Variants in LYPLAL1 observed in about 807,000 individuals in gnomAD.
LYPLAL1 encodes the protein lysophospholipase like 1.
LYPLAL1 carries 23 observed loss-of-function variants against 19.7 expected under a neutral mutation model. The ratio of observed to expected loss-of-function variants is 1.17; its 90% confidence interval spans 0.84 to 1.65. LYPLAL1 has a LOEUF of 1.65. Ranked by LOEUF, LYPLAL1 falls within the 40% of genes most tolerant of loss-of-function variation. The pLI is 0.00. For missense variants in LYPLAL1, 355 were observed against 279.4 expected (o/e 1.27, Z -1.93); for synonymous variants, 119 against 96.3 (o/e 1.24, Z -1.38).
chr1:219,267,021 G>A, the LYPLAL1 span, among the ~76,000 whole-genome samples: 1 of 152,106 alleles, frequency 6.6e-6, no homozygotes, highest in African/African-American at 2.4e-5. Context: ...ATTACTTAAT[G>A]CTAGAAAATA....
At chr1:219,356,183 A>G in the LYPLAL1 span, among the ~76,000 whole-genome samples, 1 of 152,196 alleles carries the variant, frequency 6.6e-6, no homozygotes, top group East Asian at 1.9e-4. Context: ...AAATAAATAA[A>G]TAAAATGATT....
chr1:219,211,582 A>G lies in LYPLAL1; in HGVS notation c.568A>G (p.Thr190Ala), dbSNP rs1370333383. 6.2e-7 allele frequency: 1 copy of G among 1,613,474 alleles called. No homozygotes were observed. The highest frequency in any genetic ancestry group is 8.5e-7 in the Non-Finnish European group (1 of 1,179,556). Reference protein sequence around the residue: ...ELVLHSWAEETNSMLKSLGVT... With the variant: ...ELVLHSWAEEANSMLKSLGVT... ...AGTTCTTCATTCTTGGGCAGAAGAG[A>G]CAAACTCAATGTTAAAATCTCTAGG... The change falls in exon 5 of 5, where the codon ACA (threonine) becomes GCA (alanine). Residue 190 changes from threonine (T) to alanine (A), a missense_variant. Physicochemically the swap from Thr to Ala is moderately conservative, Grantham distance 58. Coordinates refer to ENST00000366928, the MANE Select transcript of LYPLAL1 (RefSeq NM_138794.5).
the LYPLAL1 span, among the ~76,000 whole-genome samples, chr1:219,426,965 A>G: frequency 2.0e-5 from 3 of 152,244 alleles, no homozygotes; most frequent in Non-Finnish European, 2.9e-5. Context: ...CCCAAAGGCA[A>G]TATGGCTAGG....
At chr1:219,221,881 G>A in the LYPLAL1 span, among the ~76,000 whole-genome samples, 1 of 152,258 alleles carries the variant, frequency 6.6e-6, no homozygotes, top group South Asian at 2.1e-4. Flanking sequence ...AGTAGTGGAA[G>A]CCAAAACAAC....
the LYPLAL1 span, chr1:219,223,156 C>A: frequency 6.6e-6 from 1 of 151,788 alleles, no homozygotes; most frequent in Non-Finnish European, 1.5e-5. Flanking sequence ...AAAGCATGGG[C>A]CCAAGGCTGA....
chr1:219,402,685 A>G, the LYPLAL1 span, among the ~76,000 whole-genome samples: 6 of 150,808 alleles, frequency 4.0e-5, no homozygotes, highest in Non-Finnish European at 7.4e-5. Flanking sequence ...GCAATTTTTT[A>G]TTGTATAGTA....
chr1:219,317,967 C>T, the LYPLAL1 span, among the ~76,000 whole-genome samples: 6 of 152,156 alleles, frequency 3.9e-5, no homozygotes, highest in Admixed American at 1.3e-4. Flanking sequence ...CAGCAAGAAG[C>T]AAAAGCAATA....
the LYPLAL1 span, among the ~76,000 whole-genome samples, chr1:219,388,856 G>A: frequency 6.6e-6 from 1 of 152,060 alleles, no homozygotes; most frequent in East Asian, 1.9e-4. Context: ...TACTTGATGA[G>A]ACTACTCCTT....
the LYPLAL1 span, among the ~76,000 whole-genome samples, chr1:219,359,250 G>T: frequency 6.6e-6 from 1 of 152,230 alleles, no homozygotes; most frequent in Non-Finnish European, 1.5e-5. Context: ...AAAGCATTGT[G>T]CTTACCTCAG....
the LYPLAL1 span, among the ~76,000 whole-genome samples, chr1:219,406,707 G>T: frequency 6.6e-6 from 1 of 152,038 alleles, no homozygotes; most frequent in Non-Finnish European, 1.5e-5. Context: ...TGCTTTTAGG[G>T]ATTATGTCTT....
At chr1:219,268,272 ATGTAT>A in the LYPLAL1 span, among the ~76,000 whole-genome samples, 2 of 152,144 alleles carry the variant, frequency 1.3e-5, no homozygotes, top group African/African-American at 4.8e-5. Context: ...TGGGGGGATA[ATGTAT>A]TAAATAAGGC....
Position 219,199,815 on chromosome 1 carries a change from G to A in LYPLAL1, c.361+6564G>A, listed in dbSNP as rs145364242. On this transcript the variant is annotated intron_variant, in intron 3 of 4. Transcript: ENST00000366928. ...ATTTTTGTGGAGACGGGATTTCACC[G>A]TGTTGCCCAGGCTGGTCTCGAATAT... The A allele has an allele frequency of 4.5e-3, 754 of 167,388 alleles. 6 individuals carry two copies. Among genetic ancestry groups the A allele is most frequent in the South Asian group, 0.022 (143 of 6,518 alleles). 10.4% of individuals were successfully genotyped at this position (167,388 alleles called of 1,614,324 possible). A position where few individuals can be genotyped will look rare whatever the true frequency, so the allele number is the denominator to read the frequency against.
chr1:219,315,041 G>C, the LYPLAL1 span, among the ~76,000 whole-genome samples: 21 of 152,076 alleles, frequency 1.4e-4, no homozygotes, highest in Non-Finnish European at 2.8e-4. Context: ...TGTATGTTTT[G>C]AGGAGGGGTT....
chr1:219,374,498 T>C, the LYPLAL1 span, among the ~76,000 whole-genome samples: 6 of 152,132 alleles, frequency 3.9e-5, no homozygotes, highest in Admixed American at 3.9e-4. Context: ...ACAAGAATTC[T>C]GGACAGAAAT....
At chr1:219,359,010 A>G in the LYPLAL1 span, among the ~76,000 whole-genome samples, 1 of 152,172 alleles carries the variant, frequency 6.6e-6, no homozygotes, top group Non-Finnish European at 1.5e-5. Flanking sequence ...ACATAAGTTT[A>G]CTAGAAAACA....
the LYPLAL1 span, among the ~76,000 whole-genome samples, chr1:219,414,763 A>G: frequency 0.25 from 38,283 of 152,064 alleles, 5,214 homozygotes; most frequent in African/African-American, 0.36. Flanking sequence ...TTCAAAAGTC[A>G]CTACAGTCCT....
At chr1:219,353,123 C>G in the LYPLAL1 span, among the ~76,000 whole-genome samples, 2 of 152,166 alleles carry the variant, frequency 1.3e-5, no homozygotes, top group African/African-American at 4.8e-5. Flanking sequence ...AGGATGTAAG[C>G]CTTTCTATCA....
the LYPLAL1 span, chr1:219,225,536 C>G: frequency 6.6e-6 from 1 of 152,164 alleles, no homozygotes; most frequent in Admixed American, 6.5e-5. Context: ...CAACATCTTT[C>G]CATTGTGACA....
At chr1:219,178,304 T>C (rs1572149986) in intron 1 of LYPLAL1, among the ~76,000 whole-genome samples, 1 of 152,310 alleles carries the variant, frequency 6.6e-6, no homozygotes, top group East Asian at 1.9e-4. Flanking sequence ...TTTTGACTAA[T>C]TTCTGTTTTT....
Sources: gnomAD v4.1 joint callset for allele counts (sites outside exome capture counted in the v4.1 genomes callset) on GRCh38, gnomAD v4.1.1 for gene constraint, MANE v1.5 for transcripts, NCBI Gene and HGNC (gene_info 2026-07-23, HGNC 2026-07-21) for gene names.